MYRFL: variants seen among roughly 807,000 people sequenced by gnomAD.
The protein encoded by MYRFL is myelin regulatory factor like, also known as myelin regulatory factor-like protein.
A neutral mutation model predicts 109.4 loss-of-function variants in MYRFL; 88 were observed. That is an observed-to-expected ratio of 0.80 (90% confidence interval 0.68 to 0.96). MYRFL has a LOEUF of 0.96. MYRFL is among the 40% of genes least tolerant of loss of function. MYRFL has a pLI of 0.00. For synonymous variants in MYRFL, 324 were observed against 320.9 expected (o/e 1.01, Z -0.10); for missense variants, 957 against 954.9 (o/e 1.00, Z -0.03).
chr12:69,945,735 C>T (rs554719304), intron 19 of MYRFL, among the ~76,000 whole-genome samples: 3 of 151,860 alleles, frequency 2.0e-5, no homozygotes, highest in Non-Finnish European at 4.4e-5. Flanking sequence ...CGCCTGTAAT[C>T]CCAGCACTTT....
chr12:69,943,782 C>T (rs1369338801), intron 19 of MYRFL, among the ~76,000 whole-genome samples: 8 of 149,790 alleles, frequency 5.3e-5, no homozygotes, highest in Non-Finnish European at 1.2e-4. Flanking sequence ...GCAACCTACT[C>T]ATCTGACAAA....
At chr12:69,899,974 T>A (rs995710672) in intron 10 of MYRFL, among the ~76,000 whole-genome samples, 21 of 152,332 alleles carry the variant, frequency 1.4e-4, no homozygotes, top group African/African-American at 5.0e-4. Flanking sequence ...CTGTTCTATC[T>A]CAGCCCCACT....
chr12:69,861,187 G>A (rs1463211385), intron 2 of MYRFL, among the ~76,000 whole-genome samples: 4 of 151,536 alleles, frequency 2.6e-5, no homozygotes, highest in Admixed American at 6.6e-5. Flanking sequence ...TTGCTATTGC[G>A]AATAGTGCCG....
chr12:69,881,280 T>C (rs901276447), intron 5 of MYRFL, among the ~76,000 whole-genome samples: 10 of 152,128 alleles, frequency 6.6e-5, no homozygotes, highest in Non-Finnish European at 1.0e-4. Flanking sequence ...TCAACCCAGT[T>C]CTATTAGCAA....
intron 21 of MYRFL, among the ~76,000 whole-genome samples, chr12:69,953,286 A>G (rs11177993): frequency 0.11 from 17,324 of 152,272 alleles, 1,246 homozygotes; most frequent in Non-Finnish European, 0.16. Context: ...AACAAGGGAT[A>G]TCATTTTAAT....
chr12:69,957,294 G>A (rs1399756781), intron 22 of MYRFL, among the ~76,000 whole-genome samples: 1 of 152,068 alleles, frequency 6.6e-6, no homozygotes, highest in Non-Finnish European at 1.5e-5. Context: ...CCCGGAATTT[G>A]CAAAATCAAA....
chr12:69,901,551 C>T (rs1222076311), intron 10 of MYRFL, among the ~76,000 whole-genome samples: 1 of 152,184 alleles, frequency 6.6e-6, no homozygotes, highest in African/African-American at 2.4e-5. Context: ...GTTCCAGTAT[C>T]AAGTTACCAA....
intron 1 of MYRFL, among the ~76,000 whole-genome samples, chr12:69,827,565 G>GT (rs948080268): frequency 1.3e-5 from 2 of 151,878 alleles, no homozygotes; most frequent in South Asian, 2.1e-4. Flanking sequence ...GAGATGTTTG[G>GT]TTTTTTCAGC....
chr12:69,954,610 A>C (rs1956055261), intron 21 of MYRFL, among the ~76,000 whole-genome samples: 2 of 152,326 alleles, frequency 1.3e-5, no homozygotes, highest in South Asian at 4.1e-4. Context: ...TTAGCAACTT[A>C]GTTTAGCATT....
chr12:69,855,191 TC>T, intron 1 of MYRFL, 88 bp from the exon 2 acceptor site: 1 of 637,034 alleles, frequency 1.6e-6, no homozygotes. Flanking sequence ...AAAGACACAG[TC>T]CCTGACCTTA....
chr12:69,955,096 T>G (rs11838001), intron 21 of MYRFL, among the ~76,000 whole-genome samples: 5,055 of 152,288 alleles, frequency 0.033, 280 homozygotes, highest in African/African-American at 0.12. Context: ...AGGATTTGAC[T>G]TTCCATCATT....
intron 1 of MYRFL, among the ~76,000 whole-genome samples, chr12:69,836,739 C>G (rs1298414067): frequency 6.6e-6 from 1 of 152,116 alleles, no homozygotes; most frequent in Non-Finnish European, 1.5e-5. Context: ...TGCTTCCTTC[C>G]CCTGAGAGAG....
chr12:69,937,272 T>C (rs1955499612), intron 19 of MYRFL, among the ~76,000 whole-genome samples: 1 of 152,036 alleles, frequency 6.6e-6, no homozygotes, highest in African/African-American at 2.4e-5. Flanking sequence ...TAATTTATTA[T>C]TGTTTTTAGA....
intron 19 of MYRFL, among the ~76,000 whole-genome samples, chr12:69,944,630 C>T (rs909069949): frequency 7.3e-5 from 11 of 151,426 alleles, no homozygotes; most frequent in Middle Eastern, 3.4e-3. Flanking sequence ...CACATGTATA[C>T]GTATGTTACT....
chr12:69,882,343 A>G (rs1192353676), intron 5 of MYRFL, among the ~76,000 whole-genome samples: 1 of 152,182 alleles, frequency 6.6e-6, no homozygotes, highest in African/African-American at 2.4e-5. Flanking sequence ...AAAACAAAAC[A>G]TTTAGTTAAT....
At chr12:69,948,100 G>A (rs990998320) in intron 19 of MYRFL, among the ~76,000 whole-genome samples, 12 of 152,280 alleles carry the variant, frequency 7.9e-5, no homozygotes, top group African/African-American at 2.9e-4. Flanking sequence ...TTTGTAAAAT[G>A]AGATCAACCC....
At chr12:69,850,925 A>G (rs1459051389) in intron 1 of MYRFL, among the ~76,000 whole-genome samples, 1 of 152,042 alleles carries the variant, frequency 6.6e-6, no homozygotes, top group African/African-American at 2.4e-5. Context: ...TCATTTTGGA[A>G]TTGTCTATCT....
intron 6 of MYRFL, among the ~76,000 whole-genome samples, chr12:69,887,293 C>T (rs750346458): frequency 7.9e-5 from 12 of 152,306 alleles, no homozygotes; most frequent in Non-Finnish European, 1.5e-4. Flanking sequence ...ATCACTAACA[C>T]TTAATCCTGC....
intron 1 of MYRFL, among the ~76,000 whole-genome samples, chr12:69,853,837 G>T (rs886108005): frequency 2.6e-5 from 4 of 151,506 alleles, no homozygotes; most frequent in Admixed American, 1.3e-4. Context: ...ATCGCGGCCG[G>T]GAAGAGGCGC....
Sources: gnomAD v4.1 joint callset for allele counts (sites outside exome capture counted in the v4.1 genomes callset) on GRCh38, gnomAD v4.1.1 for gene constraint, MANE v1.5 for transcripts, NCBI Gene and HGNC (gene_info 2026-07-23, HGNC 2026-07-21) for gene names.